The following NIBAN2 variants were observed in gnomAD, a reference collection of about 807,000 sequenced individuals.
The protein encoded by NIBAN2 is protein Niban 2.
NIBAN2 carries 36 observed loss-of-function variants against 81.8 expected under a neutral mutation model. The ratio of observed to expected loss-of-function variants is 0.44; its 90% CI spans 0.34 to 0.58. The LOEUF (loss-of-function observed/expected upper bound fraction) is 0.58. Among genes scored for constraint, NIBAN2 ranks in the 20% least tolerant of loss-of-function variants. The probability of loss-of-function intolerance (pLI) is 0.02; values close to 1 mark genes in which losing one functional copy is unlikely to be tolerated. For missense variants in NIBAN2, 897 were observed against 1,014.1 expected (o/e 0.88, Z 1.57); for synonymous variants, 445 against 441.6 (o/e 1.01, Z -0.10).
intron 1 of NIBAN2, among the ~76,000 whole-genome samples, chr9:127,534,930 C>T (rs1247039329): frequency 1.3e-5 from 2 of 152,218 alleles, no homozygotes; most frequent in Non-Finnish European, 2.9e-5. Flanking sequence ...ATGGCCACCA[C>T]TTGCAGAGCA....
intron 1 of NIBAN2, among the ~76,000 whole-genome samples, chr9:127,562,758 G>A (rs1837794568): frequency 6.6e-6 from 1 of 152,218 alleles, no homozygotes; most frequent in Non-Finnish European, 1.5e-5. Context: ...CAGTGGCTCT[G>A]TTTGCCCCTA....
chr9:127,507,249 A>C lies in NIBAN2; in HGVS notation c.1837T>G (p.Ser613Ala). 1 of 1,607,868 alleles carries C rather than the reference A, an allele frequency of 6.2e-7. No homozygotes were observed. Among genetic ancestry groups the C allele is most frequent in the Non-Finnish European group, 8.5e-7 (1 of 1,176,826 alleles). ...SPSTPESATLSEKRRRAKQVV... is the reference protein window; with the variant it reads ...SPSTPESATLAEKRRRAKQVV... ...TGCTTGGCGCGCCGTCGCTTTTCCG[A>C]GAGGGTGGCTGACTCCGGGGTGCTG... The change falls in exon 14 of 14, where the codon TCG becomes GCG. Residue 613 changes from serine (S) to alanine (A), a missense_variant. Ser to Ala is a moderately conservative substitution (Grantham distance 99, BLOSUM62 1). Coordinates refer to ENST00000373312, the MANE Select transcript of NIBAN2 (RefSeq NM_022833.4). The surrounding 1 kb of genome is among the most constrained non-coding windows in gnomAD (Gnocchi z 6.8).
At chr9:127,518,991 A>G (rs568192971) in intron 5 of NIBAN2, among the ~76,000 whole-genome samples, 3 of 152,098 alleles carry the variant, frequency 2.0e-5, no homozygotes, top group Non-Finnish European at 2.9e-5. Context: ...TCTGGCTAAC[A>G]TGGCAAAACC....
chr9:127,542,013 C>T (rs1336538873), intron 1 of NIBAN2, among the ~76,000 whole-genome samples: 2 of 152,168 alleles, frequency 1.3e-5, no homozygotes, highest in Non-Finnish European at 2.9e-5. Flanking sequence ...AGGCCACTCC[C>T]GTCCTGTGCC....
In NIBAN2 at chr9:127,508,347, T is replaced by C; in HGVS notation, c.1434+75A>G. ...CGCCTCCTTGCAGGGACAGCAATCCTGGTGGTGGCCGGGGATGAGGCTCGG... is the reference window on the plus strand; with the variant it reads ...CGCCTCCTTGCAGGGACAGCAATCCCGGTGGTGGCCGGGGATGAGGCTCGG... On this transcript the variant is annotated intron_variant, in intron 11 of 13. Transcript: ENST00000373312. The surrounding 1 kb of genome is among the most constrained non-coding windows in gnomAD (Gnocchi z 6.4). 7.1e-7 allele frequency: 1 copy of C among 1,408,392 alleles called. No homozygotes were observed. Among genetic ancestry groups the C allele is most frequent in the South Asian group, 1.2e-5 (1 of 86,836 alleles). The allele number at this position is 1,408,392 out of a possible 1,614,324, so 87.2% of individuals were successfully genotyped here. A position where few individuals can be genotyped will look rare whatever the true frequency, so the allele number is the denominator to read the frequency against.
intron 1 of NIBAN2, among the ~76,000 whole-genome samples, chr9:127,548,853 C>T (rs1396672862): frequency 8.5e-5 from 13 of 152,136 alleles, no homozygotes; most frequent in East Asian, 7.7e-4. Context: ...GTAGCCACGC[C>T]CTATTGCCAA....
At chr9:127,538,514 C>T (rs574143047) in intron 1 of NIBAN2, among the ~76,000 whole-genome samples, 41 of 152,046 alleles carry the variant, frequency 2.7e-4, no homozygotes, top group African/African-American at 9.4e-4. Flanking sequence ...GCAATCCCAG[C>T]TACTCAGGAG....
At chr9:127,567,033 AC>A (rs1486834551) in intron 1 of NIBAN2, among the ~76,000 whole-genome samples, 1 of 151,946 alleles carries the variant, frequency 6.6e-6, no homozygotes, top group Non-Finnish European at 1.5e-5. Context: ...ACTTTCTTCC[AC>A]CCAGCCTGGT....
chr9:127,507,416 G>T lies in NIBAN2; in HGVS notation c.1670C>A (p.Ala557Glu). ...GTAGAGGTTGTGCTTCCTCTGCACC[G>T]CGGCCTCCTTCACAGCTACAGGGCC... Reference protein sequence around the residue: ...KDILQAVKEAAVQRKHNLYRD... With the variant: ...KDILQAVKEAEVQRKHNLYRD... The change falls in exon 14 of 14, where the codon GCG becomes GAG. Residue 557 changes from alanine to glutamate, a missense_variant. Transcript: ENST00000373312. This position sits in a 1 kb window ranked among gnomAD's most constrained non-coding sequence, Gnocchi z 6.8. The T allele has an allele frequency of 2.0e-6, 3 of 1,511,708 alleles. No individual in the cohort carries two copies. The highest frequency in any genetic ancestry group is 2.7e-6 in the Non-Finnish European group (3 of 1,130,670). 93.6% of individuals were successfully genotyped at this position (1,511,708 alleles called of 1,614,324 possible).
chr9:127,524,947 G>T (rs1031879592), intron 4 of NIBAN2, 111 bp downstream of exon 4: 1 of 751,488 alleles, frequency 1.3e-6, no homozygotes, highest in Non-Finnish European at 2.3e-6. Flanking sequence ...AAGCCTAGTT[G>T]GTCTCTCCGC....
intron 5 of NIBAN2, among the ~76,000 whole-genome samples, chr9:127,519,950 C>A (rs1339371945): frequency 2.0e-5 from 3 of 152,212 alleles, no homozygotes; most frequent in Non-Finnish European, 4.4e-5. Flanking sequence ...CCTGCATGCA[C>A]CAAGTCAGGT....
intron 1 of NIBAN2, among the ~76,000 whole-genome samples, chr9:127,538,174 C>G (rs896031977): frequency 6.6e-6 from 1 of 152,102 alleles, no homozygotes; most frequent in Non-Finnish European, 1.5e-5. Context: ...CTCAGGGGGG[C>G]TCTGCTCCCC....
chr9:127,508,654 G>T lies in NIBAN2; in HGVS notation c.1318-116C>A. On this transcript the variant is annotated intron_variant, in intron 10 of 13. Transcript: ENST00000373312. This position sits in a 1 kb window ranked among gnomAD's most constrained non-coding sequence, Gnocchi z 6.4. The stretch of plus-strand genomic sequence containing the variant: ...CCCCACCCCGAGGCCTGCCAGGGAG[G>T]AATGGCAAGCGGTCTATGCCCACTC... 1 of 899,520 alleles carries T rather than the reference G, an allele frequency of 1.1e-6. No homozygotes were observed. The highest frequency in any genetic ancestry group is 1.8e-6 in the Non-Finnish European group (1 of 552,498). The allele number at this position is 899,520 out of a possible 1,614,324, so 55.7% of individuals were successfully genotyped here. A position where few individuals can be genotyped will look rare whatever the true frequency, so the allele number is the denominator to read the frequency against.
At chr9:127,524,728 C>T (rs999476136) in intron 4 of NIBAN2, 1 of 226,570 alleles carries the variant, frequency 4.4e-6, no homozygotes, top group Non-Finnish European at 8.8e-6. Context: ...TCCCAGGGAT[C>T]ATCAGAGAGG....
chr9:127,535,853 G>C (rs1240586751), intron 1 of NIBAN2, among the ~76,000 whole-genome samples: 1 of 151,920 alleles, frequency 6.6e-6, no homozygotes, highest in East Asian at 2.0e-4. Flanking sequence ...GAATAGTGGG[G>C]GTTTGGTCCA....
intron 1 of NIBAN2, among the ~76,000 whole-genome samples, chr9:127,560,574 T>C (rs898912270): frequency 6.6e-6 from 1 of 152,138 alleles, no homozygotes; most frequent in African/African-American, 2.4e-5. Flanking sequence ...CCAGTCTCCC[T>C]TACACCTTCC....
At chr9:127,556,113 C>T (rs1054636725) in intron 1 of NIBAN2, among the ~76,000 whole-genome samples, 1 of 152,120 alleles carries the variant, frequency 6.6e-6, no homozygotes, top group African/African-American at 2.4e-5. Flanking sequence ...GAGAGAGAGC[C>T]GCCCTTCCAA....
chr9:127,516,137 G>GAATGAAAT (rs1836825479), intron 8 of NIBAN2, among the ~76,000 whole-genome samples: 1 of 151,490 alleles, frequency 6.6e-6, no homozygotes, highest in Non-Finnish European at 1.5e-5. Context: ...AAAATAAAAT[G>GAATGAAAT]AAATAAAATA....
intron 8 of NIBAN2, among the ~76,000 whole-genome samples, chr9:127,511,547 T>G (rs924838510): frequency 6.6e-6 from 1 of 151,914 alleles, no homozygotes; most frequent in Non-Finnish European, 1.5e-5. Context: ...GCAAGCTGAA[T>G]GATTTCAGAG....
Sources: allele counts gnomAD v4.1 joint callset (sites outside exome capture counted in the v4.1 genomes callset), GRCh38; gene constraint gnomAD v4.1.1; non-coding constraint Gnocchi (gnomAD v3.1); transcripts MANE v1.5; gene names NCBI Gene and HGNC (gene_info 2026-07-23, HGNC 2026-07-21).